Variants in FHIT observed in about 807,000 individuals in gnomAD.
FHIT encodes the protein fragile histidine triad diadenosine triphosphatase, also known as bis(5'-adenosyl)-triphosphatase.
FHIT carries 19 observed loss-of-function variants against 17.9 expected under a neutral mutation model. That is an observed-to-expected ratio of 1.06 (90% CI 0.74 to 1.56). The LOEUF is 1.56. Ranked by LOEUF, FHIT falls within the 40% of genes most tolerant of loss-of-function variation. The pLI, the probability that FHIT is intolerant of heterozygous loss-of-function variation, is 0.00. For synonymous variants in FHIT, 81 were observed against 69.7 expected, an observed-to-expected ratio of 1.16 and a Z score of -0.81; for missense variants, 248 against 189.2, an observed-to-expected ratio of 1.31 and a Z score of -1.82.
intron 7 of FHIT, among the ~76,000 whole-genome samples, chr3:59,995,396 A>G (rs1369432718): frequency 4.6e-5 from 7 of 152,086 alleles, no homozygotes; most frequent in African/African-American, 1.2e-4. Context: ...AGTCAAACTT[A>G]GTCTCTTGAG....
rs558310517 is a variant in FHIT, at chr3:61,012,383, C to T, written c.-111+29664G>A. Among the ~76,000 whole-genome samples the T allele has an allele frequency of 2.6e-5, 4 of 152,022 alleles. No individual in the cohort carries two copies. The South Asian group carries it at 8.3e-4, about 32-fold the overall frequency. The stretch of plus-strand genomic sequence containing the variant: ...ATTGAAGTAGAACTAATTGAGTTGT[C>T]AGAGGATGAATCATAAAAAAAAATT... On this transcript the variant is annotated intron_variant, in intron 3 of 9. Coordinates refer to ENST00000492590, the MANE Select transcript of FHIT (RefSeq NM_002012.4).
chr3:61,037,005 G>A (rs140831485), intron 3 of FHIT, among the ~76,000 whole-genome samples: 98 of 149,868 alleles, frequency 6.5e-4, no homozygotes, highest in African/African-American at 2.1e-3. Flanking sequence ...TCCGCCTCCC[G>A]AGTTCACGCC....
chr3:60,139,656 G>T (rs1455824424), intron 5 of FHIT, among the ~76,000 whole-genome samples: 2 of 152,048 alleles, frequency 1.3e-5, no homozygotes, highest in Non-Finnish European at 2.9e-5. Context: ...GAAAGGAGGG[G>T]CTATTCCACT....
rs527467740 is a variant in FHIT at position 60,096,573 on chromosome 3, T to A, written c.104-82421A>T. On this transcript the variant is annotated intron_variant, in intron 5 of 9. Transcript: ENST00000492590. The stretch of plus-strand genomic sequence containing the variant: ...GGATTTCACTGGGGACTCACCTCTA[T>A]CTGACTAGGTATTTGGCTGCCTCCT... 1.3e-3 allele frequency among the ~76,000 whole-genome samples: 197 copies of A among 152,288 alleles called. 1 individual carries two copies. The highest frequency in any genetic ancestry group is 4.6e-3 in the African/African-American group (192 of 41,574).
intron 7 of FHIT, among the ~76,000 whole-genome samples, chr3:59,924,199 A>G (rs1266951033): frequency 2.0e-5 from 3 of 152,216 alleles, no homozygotes; most frequent in Non-Finnish European, 4.4e-5. Flanking sequence ...ACAAGGATAC[A>G]GACAACCCTT....
intron 4 of FHIT, among the ~76,000 whole-genome samples, chr3:60,686,668 G>T (rs1484574987): frequency 6.6e-6 from 1 of 152,120 alleles, no homozygotes; most frequent in East Asian, 1.9e-4. Flanking sequence ...GATTTGAGCA[G>T]AATTTACACC....
At chr3:60,026,582 T>A (rs1229548359) in intron 5 of FHIT, among the ~76,000 whole-genome samples, 1 of 152,200 alleles carries the variant, frequency 6.6e-6, no homozygotes, top group Non-Finnish European at 1.5e-5. Flanking sequence ...TAGGAATTAA[T>A]CATCTTATAA....
At chr3:60,150,918 CAAAA>C (rs57120371) in intron 5 of FHIT, among the ~76,000 whole-genome samples, 1 of 123,112 alleles carries the variant, frequency 8.1e-6, no homozygotes, top group Non-Finnish European at 1.8e-5. Flanking sequence ...GACTCCGCCT[CAAAA>C]AAAAAAAAAG....
chr3:60,700,111 G>A (rs9872622), intron 4 of FHIT, among the ~76,000 whole-genome samples: 17,374 of 140,018 alleles, frequency 0.12, 2,251 homozygotes, highest in African/African-American at 0.34. Flanking sequence ...AGCCTGGGCA[G>A]CAGAGCGAGA....
At chr3:60,692,031 C>T (rs2041003628) in intron 4 of FHIT, among the ~76,000 whole-genome samples, 1 of 152,178 alleles carries the variant, frequency 6.6e-6, no homozygotes, top group African/African-American at 2.4e-5. Flanking sequence ...GTCACTTAAA[C>T]ATAAATCTCT....
intron 8 of FHIT, among the ~76,000 whole-genome samples, chr3:59,896,871 T>C (rs775801328): frequency 6.6e-6 from 1 of 152,166 alleles, no homozygotes; most frequent in Non-Finnish European, 1.5e-5. Flanking sequence ...GCAAGTGTAA[T>C]GTTGCTTTTT....
Position 60,583,261 on chromosome 3 carries a change from A to G in FHIT, c.-17-46282T>C, listed in dbSNP as rs549878927. 9.9e-5 allele frequency among the ~76,000 whole-genome samples: 15 copies of G among 152,130 alleles called. No individual in the cohort carries two copies. The East Asian group carries it at 2.9e-3, about 30-fold the overall frequency. On this transcript the variant is annotated intron_variant, in intron 4 of 9. Coordinates refer to ENST00000492590, the MANE Select transcript of FHIT (RefSeq NM_002012.4). ...TGCAAACCCTTTCCAATCCATTAAAAATAAATTTGGCATTCCCATTGCTAT... is the reference window on the plus strand; with the variant it reads ...TGCAAACCCTTTCCAATCCATTAAAGATAAATTTGGCATTCCCATTGCTAT...
chr3:60,628,650 G>C (rs1158751487), intron 4 of FHIT, among the ~76,000 whole-genome samples: 1 of 152,088 alleles, frequency 6.6e-6, no homozygotes, highest in African/African-American at 2.4e-5. Context: ...GATTCTCTCT[G>C]ATCATCTAGG....
At chr3:59,960,641 T>A (rs1349230784) in intron 7 of FHIT, among the ~76,000 whole-genome samples, 1 of 152,192 alleles carries the variant, frequency 6.6e-6, no homozygotes, top group Non-Finnish European at 1.5e-5. Context: ...TGGAAAACAA[T>A]GTTCATGGAA....
intron 3 of FHIT, chr3:60,912,843 C>A (rs1553766267): frequency 2.0e-6 from 1 of 500,176 alleles, no homozygotes; most frequent in African/African-American, 1.9e-5. Flanking sequence ...TATATAAGGT[C>A]ACATTTTAAT....
chr3:59,842,751 C>G (rs3112497), intron 8 of FHIT, among the ~76,000 whole-genome samples: 1 of 151,844 alleles, frequency 6.6e-6, no homozygotes, highest in African/African-American at 2.4e-5. Context: ...ATTTTTGAAT[C>G]AGTGATTTTT....
Position 61,040,211 on chromosome 3 carries a change from A to G in FHIT, c.-111+1836T>C, listed in dbSNP as rs58074220. On this transcript the variant is annotated intron_variant, in intron 3 of 9. Coordinates refer to ENST00000492590, the MANE Select transcript of FHIT (RefSeq NM_002012.4). ...TAGATTATTGTATATGACCTAAAAC[A>G]TTTGCTGAATCACAATAAACACATA... is the stretch of plus-strand genomic sequence containing the variant. Among the ~76,000 whole-genome samples, 1,417 of 152,350 alleles carry G rather than the reference A, an allele frequency of 9.3e-3. 29 individuals are homozygous for G. Among genetic ancestry groups the G allele is most frequent in the African/African-American group, 0.032 (1,315 of 41,588 alleles).
At chr3:61,232,398 G>GA (rs2040128635) in intron 1 of FHIT, among the ~76,000 whole-genome samples, 2 of 151,912 alleles carry the variant, frequency 1.3e-5, no homozygotes, top group Non-Finnish European at 1.5e-5. Context: ...AAAGAAAAAA[G>GA]AAAAAACGTA....
At chr3:61,144,821 T>G (rs2037181890) in intron 2 of FHIT, among the ~76,000 whole-genome samples, 2 of 152,234 alleles carry the variant, frequency 1.3e-5, no homozygotes, top group South Asian at 4.1e-4. Flanking sequence ...CATCTCTTCG[T>G]GTGCTATTAA....
Sources: gnomAD v4.1 joint callset for allele counts (sites outside exome capture counted in the v4.1 genomes callset) on GRCh38, gnomAD v4.1.1 for gene constraint, MANE v1.5 for transcripts, NCBI Gene and HGNC (gene_info 2026-07-23, HGNC 2026-07-21) for gene names.